ADGRV1: variants seen among roughly 807,000 people sequenced by gnomAD.
ADGRV1 encodes adhesion G protein-coupled receptor V1.
Under a neutral mutation model 596.2 loss-of-function variants are expected in ADGRV1, and 359 were observed. The observed-to-expected ratio is 0.60, with a 90% confidence interval of 0.55 to 0.66. The LOEUF (loss-of-function observed/expected upper bound fraction) is 0.66, where lower values mean the gene tolerates loss of function less well. ADGRV1 is among the 30% of genes least tolerant of loss of function. ADGRV1 has a pLI of 0.00. For missense variants in ADGRV1, 7,274 were observed against 7,575.6 expected, an observed-to-expected ratio of 0.96 and a Z score of 1.48; for synonymous variants, 2,681 against 2,679.2, an observed-to-expected ratio of 1.00 and a Z score of -0.02.
At chr5:90,921,200 C>T (rs1029768023) in intron 83 of ADGRV1, among the ~76,000 whole-genome samples, 4 of 152,156 alleles carry the variant, frequency 2.6e-5, no homozygotes, top group African/African-American at 9.7e-5. Flanking sequence ...TGTGTCATGT[C>T]ATATTTTGGT....
Position 90,681,388 on chromosome 5 carries a change from T to C in ADGRV1, c.5598T>C (p.Phe1866=). Residue 1866 remains phenylalanine (F), a synonymous_variant, in exon 27 of 90, where the codon TTT becomes TTC. Transcript: ENST00000405460. ...ASDHAHGVFE[F]SPESLFVSGT... ...ACCACGCTCATGGCGTATTTGAATT[T>C]AGCCCTGAGTCACTCTTTGTCAGTG... is the stretch of plus-strand genomic sequence containing the variant. The C allele has an allele frequency of 6.2e-7, 1 of 1,613,930 alleles. No homozygotes were observed. Among genetic ancestry groups the C allele is most frequent in the Non-Finnish European group, 8.5e-7 (1 of 1,179,816 alleles).
At chr5:90,831,237 A>C (rs200151106) in intron 77 of ADGRV1, among the ~76,000 whole-genome samples, 258 of 147,758 alleles carry the variant, frequency 1.7e-3, no homozygotes, top group African/African-American at 4.7e-3. Context: ...CTCTCTCTCT[A>C]TATATATATA....
At chr5:90,603,633 A>G (rs1475062587) in intron 1 of ADGRV1, among the ~76,000 whole-genome samples, 1 of 152,038 alleles carries the variant, frequency 6.6e-6, no homozygotes, top group Non-Finnish European at 1.5e-5. Flanking sequence ...AAACTTCTAC[A>G]GCTGGGAAGA....
At chr5:90,822,734 C>T (rs1055733251) in intron 75 of ADGRV1, among the ~76,000 whole-genome samples, 2 of 152,296 alleles carry the variant, frequency 1.3e-5, no homozygotes, top group African/African-American at 4.8e-5. Context: ...TGGCCATTTT[C>T]ATGATATTGA....
rs560274484 is a variant in ADGRV1 at position 90,855,868 on chromosome 5, G to A, written c.17722G>A (p.Ala5908Thr). 42 of 1,613,186 alleles carry A rather than the reference G, an allele frequency of 2.6e-5. No individual in the cohort carries two copies. The South Asian group carries it at 4.1e-4, about 16-fold the overall frequency. Residue 5908 changes from alanine to threonine, a missense_variant, in exon 82 of 90, where the codon GCC (alanine) becomes ACC (threonine). Physicochemically the swap from Ala to Thr is moderately conservative, Grantham distance 58. This residue lies in a region of ADGRV1 where 1,874 missense variants were observed against 1,970.2 expected (regional missense o/e 0.95). Coordinates refer to ENST00000405460, the MANE Select transcript of ADGRV1 (RefSeq NM_032119.4). ...RTDNLSSYNEAFFTSGFICIS... is the reference protein window; with the variant it reads ...RTDNLSSYNETFFTSGFICIS... ...TGACAACTTGTCTTCATACAATGAA[G>A]CCTTCTTCACTTCTGGATTTATATG...
In ADGRV1 at chr5:90,675,328, G is replaced by C. The variant is rs1258638209; in HGVS notation, c.5196G>C (p.Val1732=). ...CAAGCAGCGTTCCACATATCACTGT[G>C]GAGGAGGAAGATGGAGAAATCAGGT... ...LPASSVPHIT[V]EEEDGEIRLL... is the part of the protein sequence containing the mutation. Residue 1732 remains valine (V), a synonymous_variant, in exon 24 of 90, where the codon GTG becomes GTC. Transcript: ENST00000405460. 4 of 1,613,866 alleles carry C rather than the reference G, an allele frequency of 2.5e-6. No individual in the cohort carries two copies. The East Asian group carries it at 6.7e-5, about 27-fold the overall frequency.
At chr5:90,695,615 C>A (rs1490292512) in intron 33 of ADGRV1, among the ~76,000 whole-genome samples, 1 of 151,974 alleles carries the variant, frequency 6.6e-6, no homozygotes, top group Non-Finnish European at 1.5e-5. Flanking sequence ...TGTTGTTTAA[C>A]TTTTTAAGGC....
chr5:90,668,872 C>G (rs897188243), intron 21 of ADGRV1, among the ~76,000 whole-genome samples: 1 of 152,070 alleles, frequency 6.6e-6, no homozygotes, highest in African/African-American at 2.4e-5. Context: ...TAACTTTTCC[C>G]TGTGACTTTT....
intron 52 of ADGRV1, among the ~76,000 whole-genome samples, chr5:90,746,547 T>A (rs1754649187): frequency 2.0e-5 from 3 of 152,146 alleles, no homozygotes; most frequent in Non-Finnish European, 4.4e-5. Flanking sequence ...TCAGAGAAAG[T>A]GAGCTTCGGG....
chr5:90,646,650 T>C (rs1339915574), intron 16 of ADGRV1, among the ~76,000 whole-genome samples: 3 of 152,228 alleles, frequency 2.0e-5, no homozygotes, highest in Non-Finnish European at 4.4e-5. Flanking sequence ...ATGAAACGGT[T>C]GTTGTGTAAC....
At chr5:90,954,225 G>C (rs1274580939) in intron 83 of ADGRV1, among the ~76,000 whole-genome samples, 1 of 149,896 alleles carries the variant, frequency 6.7e-6, no homozygotes, top group Non-Finnish European at 1.5e-5. Flanking sequence ...CTGTGGGTGA[G>C]AGTGGGGGAT....
chr5:90,778,740 C>G, intron 63 of ADGRV1, 125 bp from the exon 64 acceptor site: 1 of 1,034,376 alleles, frequency 9.7e-7, no homozygotes, highest in Non-Finnish European at 1.4e-6. Context: ...AACATATAAT[C>G]TATATAATTT....
At chr5:90,619,584 G>T (rs1023593394) in intron 4 of ADGRV1, among the ~76,000 whole-genome samples, 1 of 151,972 alleles carries the variant, frequency 6.6e-6, no homozygotes, top group Non-Finnish European at 1.5e-5. Flanking sequence ...CATATTGAAA[G>T]AATACTTTTC....
chr5:90,757,128 A>G lies in ADGRV1; in HGVS notation c.11907A>G (p.Pro3969=), dbSNP rs771471770. The G allele has an allele frequency of 9.3e-6, 15 of 1,613,790 alleles. No individual in the cohort carries two copies. In the East Asian group the frequency reaches 1.6e-4, roughly 17 times the overall value. ...PDSAGLEDFK[P]SHGILEFADK... ...GTGCTGGCCTGGAAGACTTTAAACC[A>G]TCTCATGGGATTCTTGAATTTGCAG... is the stretch of plus-strand genomic sequence containing the variant. Residue 3969 remains proline (P), a synonymous_variant, in exon 57 of 90, where the codon CCA becomes CCG. Coordinates refer to ENST00000405460, the MANE Select transcript of ADGRV1 (RefSeq NM_032119.4).
chr5:91,013,905 G>C lies in ADGRV1; in HGVS notation c.18152+28383G>C, dbSNP rs747187315. On this transcript the variant is annotated intron_variant, in intron 85 of 89. Coordinates refer to ENST00000405460, the MANE Select transcript of ADGRV1 (RefSeq NM_032119.4). ...GTGTATGGTGTAAGGAAGCAGTCCAGCTTCAATCTTCTGCGTATGGCTAGA... is the reference window on the plus strand; with the variant it reads ...GTGTATGGTGTAAGGAAGCAGTCCACCTTCAATCTTCTGCGTATGGCTAGA... 4.6e-5 allele frequency among the ~76,000 whole-genome samples: 7 copies of C among 152,066 alleles called. No homozygotes were observed. In the Middle Eastern group the frequency reaches 0.01, roughly 222 times the overall value.
At chr5:90,749,688 G>A (rs1755028568) in intron 52 of ADGRV1, among the ~76,000 whole-genome samples, 1 of 152,132 alleles carries the variant, frequency 6.6e-6, no homozygotes, top group African/African-American at 2.4e-5. Context: ...ACTGCATATG[G>A]AAAATCCAGG....
At chr5:90,807,458 CG>C in intron 72 of ADGRV1, 143 bp from the exon 73 acceptor site, 1 of 728,038 alleles carries the variant, frequency 1.4e-6, no homozygotes, top group Non-Finnish European at 2.1e-6. Context: ...ACCTCTCCCC[CG>C]ACCCCTTTTT....
At chr5:91,141,900 T>G (rs1795132087) in intron 87 of ADGRV1, among the ~76,000 whole-genome samples, 1 of 152,128 alleles carries the variant, frequency 6.6e-6, no homozygotes, top group Admixed American at 6.5e-5. Context: ...AAACCCGGTT[T>G]CAGCAGAAAA....
Position 90,848,670 on chromosome 5 carries a change from G to T in ADGRV1, c.17053G>T (p.Val5685Phe). ...TTEGKIQAFS[V>F]ASRTLFYEIL... ...TGAAGGAAAAATTCAAGCTTTCAGT[G>T]TTGCCAGCCGAACTCTTTTCTATGA... Residue 5685 changes from valine to phenylalanine, a missense_variant, in exon 79 of 90, where the codon GTT (valine) becomes TTT (phenylalanine). Transcript: ENST00000405460. 6.4e-7 allele frequency: 1 copy of T among 1,551,274 alleles called. No homozygotes were observed. Among genetic ancestry groups the T allele is most frequent in the South Asian group, 1.3e-5 (1 of 75,862 alleles).
Sources: gnomAD v4.1 joint callset for allele counts (sites outside exome capture counted in the v4.1 genomes callset) on GRCh38, gnomAD v4.1.1 for gene constraint, gnomAD v4.1.1 regional missense constraint, MANE v1.5 for transcripts, NCBI Gene and HGNC (gene_info 2026-07-23, HGNC 2026-07-21) for gene names.